Variants in VPS13D observed in about 807,000 individuals in gnomAD.
The protein encoded by VPS13D is intermembrane lipid transfer protein VPS13D.
In VPS13D, 187 loss-of-function variants were observed where a neutral mutation model predicts 461.9. The ratio of observed to expected loss-of-function variants is 0.40; its 90% CI spans 0.36 to 0.46. The LOEUF is 0.46. Among genes scored for constraint, VPS13D ranks in the 20% least tolerant of loss-of-function variants. The pLI is 0.60. For synonymous variants in VPS13D, 1,951 were observed against 1,986.3 expected (o/e 0.98, Z 0.47); for missense variants, 4,711 against 5,364.9 (o/e 0.88, Z 3.81).
intron 41 of VPS13D, among the ~76,000 whole-genome samples, chr1:12,342,181 C>T (rs917746984): frequency 1.2e-4 from 18 of 152,132 alleles, no homozygotes; most frequent in African/African-American, 3.1e-4. Context: ...CTTTTCTCCT[C>T]GATCTCTACC....
At chr1:12,465,768 C>A (rs1645473968) in intron 67 of VPS13D, among the ~76,000 whole-genome samples, 1 of 152,178 alleles carries the variant, frequency 6.6e-6, no homozygotes, top group Non-Finnish European at 1.5e-5. Flanking sequence ...ACTTATGACT[C>A]TCCAGGATAA....
Position 12,356,471 on chromosome 1 carries a change from C to G in VPS13D, c.9945C>G (p.Ala3315=), listed in dbSNP as rs780584660. 2 of 1,614,058 alleles carry G rather than the reference C, an allele frequency of 1.2e-6. No individual in the cohort carries two copies. Among genetic ancestry groups the G allele is most frequent in the Non-Finnish European group, 1.7e-6 (2 of 1,180,016 alleles). The part of the protein sequence containing the change: ...AAGQFEEHEL[A]RSLSPLLFCY... Reference sequence around the variant, plus strand: ...GCCAGTTTGAGGAGCATGAGCTGGCCCGTAGCCTGAGTCCTCTCTTATTCT... The same window carrying G: ...GCCAGTTTGAGGAGCATGAGCTGGCGCGTAGCCTGAGTCCTCTCTTATTCT... The change falls in exon 49 of 70, where the codon GCC becomes GCG. Residue 3315 remains alanine, a synonymous_variant. Coordinates refer to ENST00000620676, the MANE Select transcript of VPS13D (RefSeq NM_015378.4).
In VPS13D at chr1:12,321,248, G is replaced by A. The variant is rs191120415; in HGVS notation, c.7549-561G>A. On this transcript the variant is annotated intron_variant, in intron 32 of 69. Transcript: ENST00000620676. ...ACCTATCACCCAGTTTTAATAATAT[G>A]TTTATTTTTAATTATGAAGATATTG... Among the ~76,000 whole-genome samples, 4 of 152,072 alleles carry A rather than the reference G, an allele frequency of 2.6e-5. No individual in the cohort carries two copies. The East Asian group carries it at 5.8e-4, about 22-fold the overall frequency.
intron 67 of VPS13D, among the ~76,000 whole-genome samples, chr1:12,468,841 T>C (rs1645526539): frequency 6.6e-6 from 1 of 152,182 alleles, no homozygotes; most frequent in Non-Finnish European, 1.5e-5. Flanking sequence ...GAGACCAGCC[T>C]GGGCAACATA....
intron 60 of VPS13D, among the ~76,000 whole-genome samples, chr1:12,394,911 A>G (rs1184463086): frequency 6.6e-6 from 1 of 152,140 alleles, no homozygotes; most frequent in Non-Finnish European, 1.5e-5. Flanking sequence ...ATCCAACCCT[A>G]TGTTCCTTCC....
intron 43 of VPS13D, among the ~76,000 whole-genome samples, chr1:12,345,834 A>T (rs1433209975): frequency 6.6e-6 from 1 of 152,204 alleles, no homozygotes; most frequent in African/African-American, 2.4e-5. Context: ...TATGCTGTCC[A>T]TATACACTGT....
chr1:12,353,066 A>G (rs965629323), intron 46 of VPS13D, among the ~76,000 whole-genome samples: 1 of 151,268 alleles, frequency 6.6e-6, no homozygotes, highest in African/African-American at 2.4e-5. Context: ...AAATACTTGT[A>G]CAAGAATGTT....
At chr1:12,346,723 C>T in intron 44 of VPS13D, 71 bp downstream of exon 44, 8 of 1,389,602 alleles carry the variant, frequency 5.8e-6, no homozygotes, top group Middle Eastern at 1.8e-4. Context: ...TGTGGATATA[C>T]ATTTCTTAAT....
chr1:12,346,177 G>A (rs1035576783), intron 43 of VPS13D, among the ~76,000 whole-genome samples: 2 of 152,162 alleles, frequency 1.3e-5, no homozygotes, highest in Admixed American at 6.5e-5. Flanking sequence ...GACGTGCAGA[G>A]ATATTGCAGC....
chr1:12,310,797 C>CCTTCCTTCCT (rs1642716909), intron 27 of VPS13D, among the ~76,000 whole-genome samples: 3 of 114,608 alleles, frequency 2.6e-5, no homozygotes, highest in East Asian at 2.4e-4. Context: ...CCTTCCTTCC[C>CCTTCCTTCCT]TCCCTCCCTC....
At chr1:12,231,274 C>T (rs539735871) in intron 1 of VPS13D, among the ~76,000 whole-genome samples, 22 of 152,338 alleles carry the variant, frequency 1.4e-4, no homozygotes, top group Non-Finnish European at 2.8e-4. Flanking sequence ...GGACTCTGGC[C>T]AGTCTGGCGG....
At chr1:12,315,840 G>A (rs975908758) in intron 30 of VPS13D, among the ~76,000 whole-genome samples, 2 of 149,992 alleles carry the variant, frequency 1.3e-5, no homozygotes, top group African/African-American at 2.5e-5. Context: ...TTTTTGAGAC[G>A]TAGTCTCACT....
At chr1:12,506,440 C>T (rs918268195) in intron 68 of VPS13D, among the ~76,000 whole-genome samples, 1 of 152,166 alleles carries the variant, frequency 6.6e-6, no homozygotes, top group Non-Finnish European at 1.5e-5. Context: ...TGTTTTAACG[C>T]CAGGCTGTCT....
At chr1:12,265,500 C>T (rs1367354625) in intron 13 of VPS13D, among the ~76,000 whole-genome samples, 1 of 152,126 alleles carries the variant, frequency 6.6e-6, no homozygotes, top group Non-Finnish European at 1.5e-5. Flanking sequence ...AGTGATTCCT[C>T]TGATGGACCT....
At chr1:12,383,315 A>G (rs1644307175) in intron 58 of VPS13D, among the ~76,000 whole-genome samples, 160 bp downstream of exon 58, 1 of 152,258 alleles carries the variant, frequency 6.6e-6, no homozygotes, top group Non-Finnish European at 1.5e-5. Flanking sequence ...CAAAGTTGTT[A>G]CAAGAACTAA....
intron 66 of VPS13D, among the ~76,000 whole-genome samples, chr1:12,457,182 A>G (rs923190767): frequency 6.6e-6 from 1 of 152,188 alleles, no homozygotes; most frequent in African/African-American, 2.4e-5. Context: ...AAATCCAGCC[A>G]ATTTTCCAAC....
chr1:12,280,345 G>T (rs1641741957), intron 20 of VPS13D, among the ~76,000 whole-genome samples: 2 of 151,990 alleles, frequency 1.3e-5, no homozygotes, highest in South Asian at 4.1e-4. Context: ...GACATTTGTG[G>T]TTCCTCCCAG....
intron 7 of VPS13D, among the ~76,000 whole-genome samples, chr1:12,255,944 C>T (rs1640907927): frequency 6.7e-6 from 1 of 149,704 alleles, no homozygotes; most frequent in Non-Finnish European, 1.5e-5. Flanking sequence ...ATTAAAAATA[C>T]TAGAGAGTTT....
At chr1:12,338,153 G>T in intron 39 of VPS13D, 78 bp from the exon 40 acceptor site, 3 of 1,278,530 alleles carry the variant, frequency 2.3e-6, no homozygotes, top group South Asian at 2.4e-5. Flanking sequence ...CTCTATTTGT[G>T]CTTATCGTTT....
Sources: gnomAD v4.1 joint callset for allele counts (sites outside exome capture counted in the v4.1 genomes callset) on GRCh38, gnomAD v4.1.1 for gene constraint, MANE v1.5 for transcripts, NCBI Gene and HGNC (gene_info 2026-07-23, HGNC 2026-07-21) for gene names.